Variants in RORA observed in about 807,000 individuals in gnomAD.
RORA encodes the protein nuclear receptor ROR-alpha.
RORA carries 7 observed loss-of-function variants against 69.5 expected under a neutral mutation model. The observed-to-expected ratio is 0.10, with a 90% CI of 0.06 to 0.19. The LOEUF is 0.19. Among genes scored for constraint, RORA ranks in the 10% least tolerant of loss-of-function variants. The pLI, the probability that RORA is intolerant of heterozygous loss-of-function variation, is 1.00. For missense variants in RORA, 457 were observed against 663.0 expected, an observed-to-expected ratio of 0.69 and a Z score of 3.41; for synonymous variants, 261 against 240.8, an observed-to-expected ratio of 1.08 and a Z score of -0.78.
chr15:60,950,289 C>T (rs1329842079), intron 1 of RORA, among the ~76,000 whole-genome samples: 15 of 144,576 alleles, frequency 1.0e-4, no homozygotes, highest in Non-Finnish European at 2.1e-4. Flanking sequence ...CTGAAGGAAG[C>T]GCTAAACATG....
intron 1 of RORA, among the ~76,000 whole-genome samples, chr15:60,951,662 C>T (rs1052787184): frequency 3.9e-5 from 6 of 151,990 alleles, no homozygotes; most frequent in African/African-American, 1.2e-4. Context: ...CTACAAACAC[C>T]TCTACGCAAA....
chr15:60,915,665 A>G (rs1265639435), intron 1 of RORA, among the ~76,000 whole-genome samples: 3 of 152,214 alleles, frequency 2.0e-5, no homozygotes, highest in Non-Finnish European at 4.4e-5. Flanking sequence ...TTACATTTAA[A>G]TAGCCACATG....
intron 1 of RORA, among the ~76,000 whole-genome samples, chr15:61,174,449 C>A (rs2079610547): frequency 6.6e-6 from 1 of 152,184 alleles, no homozygotes; most frequent in African/African-American, 2.4e-5. Flanking sequence ...CCGCAAGTAG[C>A]CACTGTTCTG....
chr15:61,061,343 C>A lies in RORA; in HGVS notation c.166+167710G>T, dbSNP rs8029226. Among the ~76,000 whole-genome samples, 52,856 of 148,014 alleles carry A rather than the reference C, an allele frequency of 0.36. 9,432 individuals are homozygous for A. Among genetic ancestry groups the A allele is most frequent in the Non-Finnish European group, 0.38 (25,920 of 67,404 alleles). ...AGGCGTGCAGGGAGACAGAGCGAGG[C>A]TCTATCTTAAAAAATAAATAAATAA... On this transcript the variant is annotated intron_variant, in intron 1 of 10. Transcript: ENST00000335670. This position sits in a 1 kb window ranked among gnomAD's most constrained non-coding sequence, Gnocchi z 4.4.
At chr15:60,686,190 T>A (rs566193258) in intron 1 of RORA, among the ~76,000 whole-genome samples, 1 of 152,282 alleles carries the variant, frequency 6.6e-6, no homozygotes. Context: ...CCTTTATCTT[T>A]AACAAAACAG....
intron 1 of RORA, among the ~76,000 whole-genome samples, chr15:60,726,094 C>T (rs1595663117): frequency 6.6e-6 from 1 of 152,090 alleles, no homozygotes; most frequent in East Asian, 1.9e-4. Context: ...TGCTGCCTCC[C>T]CTTCTACCCA....
intron 2 of RORA, among the ~76,000 whole-genome samples, chr15:60,538,075 C>G (rs539222768): frequency 2.0e-5 from 3 of 152,302 alleles, no homozygotes; most frequent in Admixed American, 2.0e-4. Context: ...GGCTTCTTCT[C>G]TATGTCCAGA....
intron 1 of RORA, among the ~76,000 whole-genome samples, chr15:61,064,570 T>C (rs1242330594): frequency 6.6e-6 from 1 of 152,200 alleles, no homozygotes; most frequent in African/African-American, 2.4e-5. Flanking sequence ...TCTGCAGGTC[T>C]ACTGTGGAGC....
intron 1 of RORA, among the ~76,000 whole-genome samples, chr15:60,989,700 C>CT (rs1343287302): frequency 1.3e-5 from 2 of 152,154 alleles, no homozygotes; most frequent in African/African-American, 4.8e-5. Context: ...TCCAAAACCA[C>CT]TTTTTTTACT....
chr15:61,036,713 CAA>C (rs894928735), intron 1 of RORA, among the ~76,000 whole-genome samples: 2 of 142,392 alleles, frequency 1.4e-5, no homozygotes, highest in African/African-American at 5.3e-5. Flanking sequence ...AACAAAAATC[CAA>C]AAGACTTGAC....
chr15:60,579,972 C>T (rs1325942928), intron 2 of RORA, among the ~76,000 whole-genome samples: 1 of 152,006 alleles, frequency 6.6e-6, no homozygotes, highest in East Asian at 1.9e-4. Context: ...AATGACTACA[C>T]AGAGCACTAC....
chr15:61,012,821 T>TG (rs1475662194), intron 1 of RORA, among the ~76,000 whole-genome samples: 3 of 152,136 alleles, frequency 2.0e-5, no homozygotes, highest in African/African-American at 7.2e-5. Context: ...GTCTAATTTT[T>TG]GTAATTTTTG....
intron 1 of RORA, among the ~76,000 whole-genome samples, chr15:60,716,766 C>T (rs767763373): frequency 7.9e-5 from 12 of 152,094 alleles, no homozygotes; most frequent in African/African-American, 1.4e-4. Context: ...GATATCATGA[C>T]GCTTCCATAA....
chr15:60,668,780 C>T (rs1386881882), intron 2 of RORA, among the ~76,000 whole-genome samples: 10 of 152,132 alleles, frequency 6.6e-5, no homozygotes, highest in South Asian at 2.1e-4. Context: ...ACTAAGAACA[C>T]GCAGCCAATG....
chr15:60,673,517 G>A (rs907480020), intron 2 of RORA, among the ~76,000 whole-genome samples: 3 of 152,184 alleles, frequency 2.0e-5, no homozygotes, highest in African/African-American at 4.8e-5. Flanking sequence ...GATGAGCAGC[G>A]GGGATAGGTT....
chr15:61,080,380 G>A (rs769946401), intron 1 of RORA, among the ~76,000 whole-genome samples: 20 of 152,292 alleles, frequency 1.3e-4, no homozygotes, highest in Non-Finnish European at 2.8e-4. Flanking sequence ...CCCTGCCAGA[G>A]TGAGAAACTA....
intron 1 of RORA, among the ~76,000 whole-genome samples, chr15:60,984,775 T>C (rs968684798): frequency 1.2e-4 from 18 of 149,800 alleles, no homozygotes; most frequent in African/African-American, 4.4e-4. Flanking sequence ...TTAATAATAA[T>C]AAGCCTGGGC....
intron 2 of RORA, among the ~76,000 whole-genome samples, chr15:60,637,952 C>G (rs1314283954): frequency 1.3e-5 from 2 of 152,036 alleles, no homozygotes; most frequent in Non-Finnish European, 2.9e-5. Flanking sequence ...AGTTTTAGGT[C>G]TTAGGTGAAA....
In RORA at chr15:61,229,167, T is replaced by C. The variant is rs1231485453; in HGVS notation, c.52A>G (p.Ser18Gly). 9.0e-6 allele frequency: 14 copies of C among 1,552,696 alleles called. No individual in the cohort carries two copies. The highest frequency in any genetic ancestry group is 1.2e-5 in the Non-Finnish European group (14 of 1,149,904). The change falls in exon 1 of 11, where the codon AGC becomes GGC. Residue 18 changes from serine to glycine, a missense_variant. Coordinates refer to ENST00000335670, the MANE Select transcript of RORA (RefSeq NM_134261.3). The stretch of plus-strand genomic sequence containing the variant: ...GAGCCGGCGGCCGCGTCCGCGCCGC[T>C]GCTGCCTGGCTCGCTGGCGGCGGGG... The part of the protein sequence containing the change: ...PDPAASEPGS[S>G]GADAAAGSRE...
Sources: allele counts gnomAD v4.1 joint callset (sites outside exome capture counted in the v4.1 genomes callset), GRCh38; gene constraint gnomAD v4.1.1; non-coding constraint Gnocchi (gnomAD v3.1); transcripts MANE v1.5; gene names NCBI Gene and HGNC (gene_info 2026-07-23, HGNC 2026-07-21).